MTREX: variants seen among roughly 807,000 people sequenced by gnomAD.
MTREX encodes the protein Mtr4 exosome RNA helicase.
A neutral mutation model predicts 135.4 loss-of-function variants in MTREX; 76 were observed. The observed-to-expected ratio is 0.56, with a 90% CI of 0.47 to 0.68. The LOEUF (loss-of-function observed/expected upper bound fraction) is 0.68. Among genes scored for constraint, MTREX ranks in the 30% least tolerant of loss-of-function variants. MTREX has a pLI of 0.00. For missense variants in MTREX, 920 were observed against 1,262.1 expected (o/e 0.73, Z 4.11); for synonymous variants, 404 against 401.6 (o/e 1.01, Z -0.07).
Position 55,366,731 on chromosome 5 carries a change from G to T in MTREX, c.1666G>T (p.Ala556Ser). 2 of 1,580,998 alleles carry T rather than the reference G, an allele frequency of 1.3e-6. No individual in the cohort carries two copies. The highest frequency in any genetic ancestry group is 1.7e-6 in the Non-Finnish European group (2 of 1,164,516). Residue 556 changes from alanine (A) to serine (S), a missense_variant, in exon 16 of 27, where the codon GCT becomes TCT. This residue lies in a region of MTREX where 467 missense variants were observed against 589.7 expected (regional missense o/e 0.79). Transcript: ENST00000230640. ...CATTTTTTTTCTCTCTTAGGGCTCC[G>T]CTGATCCTCTAAATAGTGCTTTCCA... is the stretch of plus-strand genomic sequence containing the variant. Reference protein sequence around the residue: ...TIGKQLLKGSADPLNSAFHLT... With the variant: ...TIGKQLLKGSSDPLNSAFHLT...
At chr5:55,365,048 A>G (rs2112084877) in intron 15 of MTREX, among the ~76,000 whole-genome samples, 1 of 152,358 alleles carries the variant, frequency 6.6e-6, no homozygotes, top group African/African-American at 2.4e-5. Context: ...TAGAATGTCA[A>G]AAAGCCATGT....
chr5:55,345,172 A>G lies in MTREX; in HGVS notation c.1084A>G (p.Lys362Glu). 1.2e-6 allele frequency: 2 copies of G among 1,611,446 alleles called. No homozygotes were observed. Among genetic ancestry groups the G allele is most frequent in the Non-Finnish European group, 1.7e-6 (2 of 1,177,960 alleles). The change falls in exon 10 of 27, where the codon AAA becomes GAA. Residue 362 changes from lysine to glutamate, a missense_variant. Around this residue, in one of 6 missense-constraint regions of MTREX, gnomAD observed 101 missense variants for 119.1 expected, o/e 0.85. Coordinates refer to ENST00000230640, the MANE Select transcript of MTREX (RefSeq NM_015360.5). ...AGGTGATTTGGCCAAAGGAGACCAG[A>G]AAGGGCGGAAAGGAGGAACAAAAGG... ...DAGDLAKGDQ[K>E]GRKGGTKGPS...
intron 13 of MTREX, 113 bp downstream of exon 13, chr5:55,351,142 A>G: frequency 8.0e-7 from 1 of 1,242,392 alleles, no homozygotes; most frequent in South Asian, 2.1e-5. Flanking sequence ...GCTTAATGAA[A>G]TGACTTAAAT....
At chr5:55,419,464 A>G (rs1382651114) in intron 25 of MTREX, among the ~76,000 whole-genome samples, 1 of 152,212 alleles carries the variant, frequency 6.6e-6, no homozygotes, top group Non-Finnish European at 1.5e-5. Context: ...GATTCAGTTG[A>G]GAAATTTTGA....
chr5:55,337,870 C>A (rs948659467), intron 5 of MTREX, among the ~76,000 whole-genome samples: 10 of 150,816 alleles, frequency 6.6e-5, no homozygotes, highest in African/African-American at 2.4e-4. Context: ...ATTTTAATTT[C>A]TCTTGACTTT....
At chr5:55,374,530 G>C (rs10471942) in intron 16 of MTREX, among the ~76,000 whole-genome samples, 21,277 of 151,622 alleles carry the variant, frequency 0.14, 1,893 homozygotes, top group East Asian at 0.26. Context: ...AAGGTATCCT[G>C]CTCCTGCCTC....
chr5:55,361,816 C>T (rs1371677651), intron 15 of MTREX, among the ~76,000 whole-genome samples: 1 of 150,710 alleles, frequency 6.6e-6, no homozygotes, highest in Non-Finnish European at 1.5e-5. Flanking sequence ...TGATCTCGAT[C>T]TTCTGGGCTC....
At chr5:55,353,102 AAAATTAT>A in intron 13 of MTREX, 59 bp from the exon 14 acceptor site, 2 of 1,117,004 alleles carry the variant, frequency 1.8e-6, no homozygotes, top group Non-Finnish European at 2.5e-6. Flanking sequence ...CATTTACTTA[AAAATTAT>A]AAAACCAGAT....
At chr5:55,417,285 T>C (rs993698706) in intron 25 of MTREX, among the ~76,000 whole-genome samples, 3 of 152,184 alleles carry the variant, frequency 2.0e-5, no homozygotes, top group Admixed American at 6.5e-5. Context: ...AAGAGCTCTG[T>C]ATAATTTACA....
At chr5:55,375,613 A>C (rs562349743) in intron 16 of MTREX, among the ~76,000 whole-genome samples, 313 of 152,268 alleles carry the variant, frequency 2.1e-3, no homozygotes, top group African/African-American at 7.3e-3. Flanking sequence ...CAATTTGTGC[A>C]GTTAATGCAA....
chr5:55,368,618 G>T (rs1323232981), intron 16 of MTREX, among the ~76,000 whole-genome samples: 1 of 152,012 alleles, frequency 6.6e-6, no homozygotes, highest in Non-Finnish European at 1.5e-5. Context: ...TTTAGATGGG[G>T]TCTTGCTCTG....
intron 15 of MTREX, among the ~76,000 whole-genome samples, chr5:55,359,310 T>C (rs1272314257): frequency 2.6e-5 from 4 of 152,210 alleles, no homozygotes; most frequent in Non-Finnish European, 4.4e-5. Flanking sequence ...CTTATCCATA[T>C]AGAGAAAAGT....
chr5:55,343,571 T>A, intron 8 of MTREX, 116 bp downstream of exon 8: 1 of 877,810 alleles, frequency 1.1e-6, no homozygotes, highest in Non-Finnish European at 1.7e-6. Flanking sequence ...AAAAACATTT[T>A]AATGGTAAAC....
intron 18 of MTREX, among the ~76,000 whole-genome samples, chr5:55,385,685 A>C (rs1429852203): frequency 6.6e-6 from 1 of 152,068 alleles, no homozygotes; most frequent in Non-Finnish European, 1.5e-5. Context: ...AGAAAATTTA[A>C]ATGATTGGTT....
chr5:55,400,442 T>A lies in MTREX; in HGVS notation c.2481+21T>A, dbSNP rs748121418. Reference sequence around the variant, plus strand: ...CACAGGTATGGCAGAAATTTGGTTTTTATAGTAGAATTCTATATGTTTCAC... The same window carrying A: ...CACAGGTATGGCAGAAATTTGGTTTATATAGTAGAATTCTATATGTTTCAC... On this transcript the variant is annotated intron_variant, in intron 21 of 26. Coordinates refer to ENST00000230640, the MANE Select transcript of MTREX (RefSeq NM_015360.5). 3.3e-6 allele frequency: 5 copies of A among 1,522,390 alleles called. No homozygotes were observed. In the South Asian group the frequency reaches 6.2e-5, roughly 19 times the overall value. 94.3% of individuals were successfully genotyped at this position (1,522,390 alleles called of 1,614,324 possible). A position where few individuals can be genotyped will look rare whatever the true frequency, so the allele number is the denominator to read the frequency against.
intron 23 of MTREX, among the ~76,000 whole-genome samples, chr5:55,413,743 A>C (rs933375207): frequency 6.6e-6 from 1 of 152,202 alleles, no homozygotes; most frequent in Non-Finnish European, 1.5e-5. Context: ...TTTTTAACGT[A>C]CTTTATCCTG....
chr5:55,355,752 G>A (rs1749901331), intron 14 of MTREX, among the ~76,000 whole-genome samples: 1 of 152,192 alleles, frequency 6.6e-6, no homozygotes, highest in Non-Finnish European at 1.5e-5. Flanking sequence ...TCTAGCCAGG[G>A]GCTACGAGTC....
At chr5:55,363,538 A>T (rs759766587) in intron 15 of MTREX, among the ~76,000 whole-genome samples, 4 of 152,154 alleles carry the variant, frequency 2.6e-5, no homozygotes, top group African/African-American at 7.2e-5. Flanking sequence ...GTTAAATTTT[A>T]GGTGATCCTC....
chr5:55,400,101 G>A (rs1033349439), intron 20 of MTREX, 132 bp from the exon 21 acceptor site: 17 of 582,186 alleles, frequency 2.9e-5, no homozygotes, highest in Non-Finnish European at 3.9e-5. Context: ...ATTTAAATTG[G>A]CAAAAGACAA....
Sources: gnomAD v4.1 joint callset for allele counts (sites outside exome capture counted in the v4.1 genomes callset) on GRCh38, gnomAD v4.1.1 for gene constraint, gnomAD v4.1.1 regional missense constraint, MANE v1.5 for transcripts, NCBI Gene and HGNC (gene_info 2026-07-23, HGNC 2026-07-21) for gene names.